Variants in IL1RAP observed in about 807,000 individuals in gnomAD.
The protein encoded by IL1RAP is interleukin 1 receptor accessory protein, also known as interleukin-1 receptor accessory protein.
A neutral mutation model predicts 60.7 loss-of-function variants in IL1RAP; 35 were observed. The ratio of observed to expected loss-of-function variants is 0.58; its 90% confidence interval spans 0.44 to 0.76. The LOEUF (loss-of-function observed/expected upper bound fraction) is 0.76, where lower values mean the gene tolerates loss of function less well. IL1RAP is among the 30% of genes least tolerant of loss of function. IL1RAP has a pLI of 0.00. For missense variants in IL1RAP, 572 were observed against 693.9 expected (o/e 0.82, Z 1.97); for synonymous variants, 268 against 250.9 (o/e 1.07, Z -0.64).
At chr3:190,539,134 A>T (rs918491219) in intron 1 of IL1RAP, among the ~76,000 whole-genome samples, 1 of 152,156 alleles carries the variant, frequency 6.6e-6, no homozygotes, top group African/African-American at 2.4e-5. Flanking sequence ...TACAGCTTTC[A>T]GAAAGAAGCT....
chr3:190,550,279 C>G (rs1402834258), intron 1 of IL1RAP: 2 of 152,228 alleles, frequency 1.3e-5, no homozygotes, highest in African/African-American at 4.8e-5. Context: ...CTCACCTCAA[C>G]TGTGCCTTTT....
intron 1 of IL1RAP, chr3:190,517,868 C>T (rs2108585269): frequency 6.6e-6 from 1 of 152,208 alleles, no homozygotes; most frequent in Admixed American, 6.5e-5. Context: ...TTGCTGGTGA[C>T]ACAGATGTAG....
At chr3:190,587,416 A>C (rs990450772) in intron 3 of IL1RAP, among the ~76,000 whole-genome samples, 10 of 152,232 alleles carry the variant, frequency 6.6e-5, no homozygotes, top group Non-Finnish European at 1.3e-4. Flanking sequence ...CGTATAGAAA[A>C]CACTCACAAT....
chr3:190,530,799 T>C (rs1375488531), intron 1 of IL1RAP, among the ~76,000 whole-genome samples: 1 of 152,226 alleles, frequency 6.6e-6, no homozygotes, highest in African/African-American at 2.4e-5. Flanking sequence ...AGTATTCTCT[T>C]ATGTGTATCC....
intron 1 of IL1RAP, among the ~76,000 whole-genome samples, chr3:190,532,179 G>C (rs1367871904): frequency 1.3e-5 from 2 of 151,754 alleles, no homozygotes; most frequent in African/African-American, 4.8e-5. Flanking sequence ...AGTAATGAGG[G>C]GAAAAAAGGA....
chr3:190,601,085 A>G (rs902217186), intron 3 of IL1RAP, among the ~76,000 whole-genome samples: 3 of 152,148 alleles, frequency 2.0e-5, no homozygotes, highest in African/African-American at 7.2e-5. Context: ...CCCGGGTTCA[A>G]GCAAGTCTCC....
At chr3:190,614,648 C>T (rs1731106928) in intron 5 of IL1RAP, among the ~76,000 whole-genome samples, 1 of 152,154 alleles carries the variant, frequency 6.6e-6, no homozygotes, top group Non-Finnish European at 1.5e-5. Context: ...GAACTAGGAG[C>T]TAAGATTCTA....
In IL1RAP at chr3:190,650,802, C is replaced by T. The variant is rs939752752; in HGVS notation, c.*2097C>T. Reference sequence around the variant, plus strand: ...TACTAGACCAGAAAAGAACTTATTCCAGATAAGCTTTGAATATCAATTCTT... The same window carrying T: ...TACTAGACCAGAAAAGAACTTATTCTAGATAAGCTTTGAATATCAATTCTT... On this transcript the variant is annotated 3_prime_UTR_variant, in exon 12 of 12. Coordinates refer to ENST00000447382, the MANE Select transcript of IL1RAP (RefSeq NM_002182.4). The T allele has an allele frequency of 5.1e-6, 5 of 984,292 alleles. No individual in the cohort carries two copies. The African/African-American group carries it at 8.7e-5, about 17-fold the overall frequency. 61.0% of individuals were successfully genotyped at this position (984,292 alleles called of 1,614,324 possible).
At chr3:190,652,481 T>A (rs1290806725), downstream of IL1RAP, among the ~76,000 whole-genome samples, 1 of 152,036 alleles carries the variant, frequency 6.6e-6, no homozygotes, top group African/African-American at 2.4e-5. Context: ...ATCCTATTTG[T>A]TCATTTTACT....
chr3:190,595,400 A>G (rs1390863725), intron 3 of IL1RAP, among the ~76,000 whole-genome samples: 1 of 152,186 alleles, frequency 6.6e-6, no homozygotes, highest in East Asian at 1.9e-4. Flanking sequence ...AAATGTGCTC[A>G]CACTTAAACA....
At position 190,620,326 on chromosome 3, in the gene IL1RAP, T is replaced by C. The variant is rs376289206; in HGVS notation, c.589T>C (p.Leu197=). The C allele has an allele frequency of 1.2e-6, 2 of 1,602,332 alleles. No homozygotes were observed. Among genetic ancestry groups the C allele is most frequent in the African/African-American group, 2.7e-5 (2 of 74,624 alleles). ...FNNVIPEGMN[L]SFLIALISNN... ...TAATGTAATACCCGAAGGTATGAAC[T>C]TGAGTTTCCTCATTGCCTTAATTTC... The change falls in exon 6 of 12, where the codon TTG becomes CTG. Residue 197 remains leucine, a synonymous_variant. Transcript: ENST00000447382.
intron 1 of IL1RAP, among the ~76,000 whole-genome samples, chr3:190,543,345 T>C (rs1724104354): frequency 6.6e-6 from 1 of 152,140 alleles, no homozygotes. Flanking sequence ...AATGTAATCA[T>C]TCACTCAATA....
intron 1 of IL1RAP, among the ~76,000 whole-genome samples, chr3:190,537,226 A>G (rs1490413919): frequency 6.6e-6 from 1 of 151,054 alleles, no homozygotes; most frequent in Admixed American, 6.6e-5. Context: ...CTTTTTTTTT[A>G]TTATTAATAA....
At chr3:190,642,302 T>G (rs768935662) in intron 9 of IL1RAP, 1 of 152,598 alleles carries the variant, frequency 6.6e-6, no homozygotes, top group Non-Finnish European at 1.5e-5. Context: ...GCGCACTCAG[T>G]GGAAGAGGAC....
chr3:190,589,375 T>C (rs1005296735), intron 3 of IL1RAP, among the ~76,000 whole-genome samples: 3 of 152,156 alleles, frequency 2.0e-5, no homozygotes, highest in African/African-American at 7.2e-5. Flanking sequence ...TGTTGCTTGC[T>C]TCACCCAATT....
At chr3:190,537,962 C>T (rs1311068089) in intron 1 of IL1RAP, among the ~76,000 whole-genome samples, 1 of 152,050 alleles carries the variant, frequency 6.6e-6, no homozygotes, top group African/African-American at 2.4e-5. Context: ...GAACTTTACT[C>T]AGATTATTTT....
chr3:190,645,835 TGG>T lies in IL1RAP; in HGVS notation c.1342_1343del (p.Gly448AsnfsTer5). 6.2e-7 allele frequency: 1 copy of T among 1,612,772 alleles called. No individual in the cohort carries two copies. The highest frequency in any genetic ancestry group is 8.5e-7 in the Non-Finnish European group (1 of 1,179,314). ...LCIFDRDSLP[G>X]GIVTDETLSF... ...GCATCTTTGACCGAGACAGTCTGCC[TGG>T]GGGAAGTAGGTATTTCAGAGGAGTA... is the stretch of plus-strand genomic sequence containing the variant. On this transcript the variant is annotated frameshift_variant, in exon 11 of 12. Transcript: ENST00000447382. LOFTEE classifies it high-confidence loss of function.
chr3:190,650,543 C>T lies in IL1RAP; in HGVS notation c.*1838C>T. On this transcript the variant is annotated 3_prime_UTR_variant, in exon 12 of 12. Coordinates refer to ENST00000447382, the MANE Select transcript of IL1RAP (RefSeq NM_002182.4). ...GAATAATTCGTAATTTAAGAAAGCC[C>T]TTATCCCGGTAACATGAATGTTGAT... The T allele has an allele frequency of 1.0e-6, 1 of 969,430 alleles. No homozygotes were observed. Among genetic ancestry groups the T allele is most frequent in the East Asian group, 1.1e-4 (1 of 8,742 alleles). 60.1% of individuals were successfully genotyped at this position (969,430 alleles called of 1,614,324 possible).
At chr3:190,601,541 C>G (rs780367028) in intron 3 of IL1RAP, among the ~76,000 whole-genome samples, 1 of 152,148 alleles carries the variant, frequency 6.6e-6, no homozygotes, top group Non-Finnish European at 1.5e-5. Flanking sequence ...ACTTACCTGA[C>G]AAATCCTTTT....
Sources: gnomAD v4.1 joint callset for allele counts (sites outside exome capture counted in the v4.1 genomes callset) on GRCh38, gnomAD v4.1.1 for gene constraint, MANE v1.5 for transcripts, NCBI Gene and HGNC (gene_info 2026-07-23, HGNC 2026-07-21) for gene names.